The following TCEANC2 variants were observed in gnomAD, a reference collection of about 807,000 sequenced individuals.
TCEANC2 encodes the protein transcription elongation factor A N-terminal and central domain containing 2.
TCEANC2 carries 20 observed loss-of-function variants against 22.8 expected under a neutral mutation model. The observed-to-expected ratio is 0.88, with a 90% confidence interval of 0.62 to 1.28. The LOEUF (loss-of-function observed/expected upper bound fraction) is 1.28. Among genes scored for constraint, TCEANC2 ranks in the 50% most tolerant of loss-of-function variants. The pLI, the probability that TCEANC2 is intolerant of heterozygous loss-of-function variation, is 0.00. For missense variants in TCEANC2, 251 were observed against 249.7 expected (o/e 1.01, Z -0.03); for synonymous variants, 84 against 95.5 (o/e 0.88, Z 0.70).
chr1:54,071,980 GTT>G (rs1329374289), intron 3 of TCEANC2, among the ~76,000 whole-genome samples: 3 of 151,182 alleles, frequency 2.0e-5, no homozygotes, highest in Admixed American at 6.6e-5. Context: ...TCCAGCTAAT[GTT>G]TGTATTTTTT....
chr1:54,101,400 C>T lies in TCEANC2; in HGVS notation c.*4927C>T, dbSNP rs188580182. Reference sequence around the variant, plus strand: ...TAAATCAATCAAAATGATACAATTACTGTCAGGGATGGACTTACTCATAAC... The same window carrying T: ...TAAATCAATCAAAATGATACAATTATTGTCAGGGATGGACTTACTCATAAC... On this transcript the variant is annotated 3_prime_UTR_variant, in exon 5 of 5. Coordinates refer to ENST00000234827, the MANE Select transcript of TCEANC2 (RefSeq NM_153035.3). 1 of 152,304 alleles carries T rather than the reference C, an allele frequency of 6.6e-6. No individual in the cohort carries two copies. Among genetic ancestry groups the T allele is most frequent in the East Asian group, 1.9e-4 (1 of 5,190 alleles). 9.4% of individuals were successfully genotyped at this position (152,304 alleles called of 1,614,324 possible).
intron 4 of TCEANC2, among the ~76,000 whole-genome samples, chr1:54,091,213 T>G (rs1658441370): frequency 6.6e-6 from 1 of 152,128 alleles, no homozygotes; most frequent in Non-Finnish European, 1.5e-5. Context: ...TGTTTATCAG[T>G]TTGTTATGTC....
chr1:54,110,496 T>C (rs1223231639), downstream of TCEANC2, among the ~76,000 whole-genome samples: 1 of 151,670 alleles, frequency 6.6e-6, no homozygotes, highest in Non-Finnish European at 1.5e-5. Flanking sequence ...CCCAGCTACT[T>C]GGGAGGCTGA....
intron 3 of TCEANC2, among the ~76,000 whole-genome samples, chr1:54,073,091 G>A (rs1390447744): frequency 1.3e-5 from 2 of 151,932 alleles, no homozygotes; most frequent in Admixed American, 6.6e-5. Context: ...TCAGCCTTCC[G>A]AGTAGCTGGG....
At chr1:54,081,853 A>C (rs975871804) in intron 3 of TCEANC2, among the ~76,000 whole-genome samples, 1 of 152,180 alleles carries the variant, frequency 6.6e-6, no homozygotes, top group African/African-American at 2.4e-5. Flanking sequence ...CCTGCAGGCC[A>C]AAAGCAGTGA....
intron 2 of TCEANC2, among the ~76,000 whole-genome samples, chr1:54,056,453 G>A (rs1341271321): frequency 6.6e-6 from 1 of 151,970 alleles, no homozygotes; most frequent in Non-Finnish European, 1.5e-5. Context: ...AGCCTCCCGA[G>A]TGGTGGGGAT....
rs74471708 is a variant in TCEANC2, at chr1:54,078,755, T to C, written c.245-9842T>C. ...TGAATTCTCTAAGTAAAAGGAAAGA[T>C]GAAGGGGCTGAAGAACTGAACCTGG... is the stretch of plus-strand genomic sequence containing the variant. On this transcript the variant is annotated intron_variant, in intron 3 of 4. Coordinates refer to ENST00000234827, the MANE Select transcript of TCEANC2 (RefSeq NM_153035.3). 6.9e-3 allele frequency among the ~76,000 whole-genome samples: 1,051 copies of C among 152,156 alleles called. 8 individuals are homozygous for C. Among genetic ancestry groups the C allele is most frequent in the African/African-American group, 0.024 (997 of 41,496 alleles).
intron 3 of TCEANC2, among the ~76,000 whole-genome samples, chr1:54,072,278 C>T (rs1351923097): frequency 6.6e-6 from 1 of 152,140 alleles, no homozygotes; most frequent in African/African-American, 2.4e-5. Context: ...TCTTCAGATA[C>T]GTATCTTCCA....
chr1:54,086,362 G>T (rs866412419), intron 3 of TCEANC2, among the ~76,000 whole-genome samples: 1 of 152,148 alleles, frequency 6.6e-6, no homozygotes, highest in Non-Finnish European at 1.5e-5. Flanking sequence ...GAAGCGCAAG[G>T]TGCTAAGGAA....
At chr1:54,078,435 T>C (rs1240543951) in intron 3 of TCEANC2, among the ~76,000 whole-genome samples, 2 of 152,150 alleles carry the variant, frequency 1.3e-5, no homozygotes, top group African/African-American at 4.8e-5. Flanking sequence ...ACCCCAGCCA[T>C]ATGTCCCTTT....
At chr1:54,083,057 A>G (rs1000245109) in intron 3 of TCEANC2, among the ~76,000 whole-genome samples, 6 of 152,146 alleles carry the variant, frequency 3.9e-5, no homozygotes, top group Admixed American at 2.6e-4. Context: ...AAGTAGATCT[A>G]TATGACTTGG....
At chr1:54,076,820 A>G (rs1319285986) in intron 3 of TCEANC2, among the ~76,000 whole-genome samples, 1 of 152,240 alleles carries the variant, frequency 6.6e-6, no homozygotes, top group Non-Finnish European at 1.5e-5. Flanking sequence ...TGTGAAGCTT[A>G]CATTCTAGTG....
chr1:54,084,690 C>T (rs565345699), intron 3 of TCEANC2, among the ~76,000 whole-genome samples: 3 of 152,022 alleles, frequency 2.0e-5, no homozygotes, highest in South Asian at 4.2e-4. Context: ...GGCAAAACCC[C>T]GTCTCTACTA....
chr1:54,057,347 ATTTTTTTT>A (rs1163556776), intron 2 of TCEANC2, among the ~76,000 whole-genome samples: 37 of 85,930 alleles, frequency 4.3e-4, no homozygotes, highest in Admixed American at 6.4e-4. Context: ...CACCTGGCTA[ATTTTTTTT>A]TTTTTTTTTT....
chr1:54,077,004 T>G, intron 3 of TCEANC2, among the ~76,000 whole-genome samples: 2 of 129,242 alleles, frequency 1.5e-5, no homozygotes, highest in African/African-American at 6.6e-5. Flanking sequence ...AACTTGAAGG[T>G]GAGGAAGTGA....
rs1343763663 is a variant in TCEANC2 at position 54,102,042 on chromosome 1, C to T, written c.*5569C>T. On this transcript the variant is annotated 3_prime_UTR_variant, in exon 5 of 5. Transcript: ENST00000234827. ...TCTTGAAAGTAAAAGACAATTATTG[C>T]ATCTCACTCCAACCATTAAGAAGGA... 1.3e-5 allele frequency: 2 copies of T among 152,218 alleles called. No homozygotes were observed. The highest frequency in any genetic ancestry group is 2.9e-5 in the Non-Finnish European group (2 of 68,048). 9.4% of individuals were successfully genotyped at this position (152,218 alleles called of 1,614,324 possible). A position where few individuals can be genotyped will look rare whatever the true frequency, so the allele number is the denominator to read the frequency against.
At chr1:54,079,964 T>C (rs1658207605) in intron 3 of TCEANC2, among the ~76,000 whole-genome samples, 1 of 152,158 alleles carries the variant, frequency 6.6e-6, no homozygotes, top group Admixed American at 6.5e-5. Flanking sequence ...TCAAAAAATC[T>C]GACAGAAGTG....
At chr1:54,077,144 A>G (rs367649980) in intron 3 of TCEANC2, among the ~76,000 whole-genome samples, 1 of 152,282 alleles carries the variant, frequency 6.6e-6, no homozygotes, top group East Asian at 1.9e-4. Context: ...GGATTTAGCA[A>G]GGATTGACCA....
At chr1:54,093,540 C>T (rs1465300991) in intron 4 of TCEANC2, among the ~76,000 whole-genome samples, 1 of 152,128 alleles carries the variant, frequency 6.6e-6, no homozygotes, top group Non-Finnish European at 1.5e-5. Flanking sequence ...TCTATTACCA[C>T]CACACTGCTG....
Sources: allele counts gnomAD v4.1 joint callset (sites outside exome capture counted in the v4.1 genomes callset), GRCh38; gene constraint gnomAD v4.1.1; transcripts MANE v1.5; gene names NCBI Gene and HGNC (gene_info 2026-07-23, HGNC 2026-07-21).